Variants in PRKCA observed in about 807,000 individuals in gnomAD.
PRKCA encodes protein kinase C alpha type.
Under a neutral mutation model 87.0 loss-of-function variants are expected in PRKCA, and 27 were observed. The ratio of observed to expected loss-of-function variants is 0.31; its 90% CI spans 0.23 to 0.43. The LOEUF (loss-of-function observed/expected upper bound fraction) is 0.43. PRKCA is among the 20% of genes least tolerant of loss of function. The pLI, the probability that PRKCA is intolerant of heterozygous loss-of-function variation, is 1.00. For missense variants in PRKCA, 518 were observed against 852.3 expected (o/e 0.61, Z 4.88); for synonymous variants, 329 against 311.1 (o/e 1.06, Z -0.61).
At chr17:66,718,107 A>G (rs1973521617) in intron 8 of PRKCA, among the ~76,000 whole-genome samples, 1 of 152,034 alleles carries the variant, frequency 6.6e-6, no homozygotes, top group Admixed American at 6.6e-5. Context: ...GTCTTAGTCC[A>G]CTCGGGCTGC....
intron 8 of PRKCA, among the ~76,000 whole-genome samples, chr17:66,694,338 C>T (rs565217331): frequency 2.0e-5 from 3 of 151,864 alleles, no homozygotes; most frequent in South Asian, 4.2e-4. Context: ...AAAAATTAGC[C>T]GGGCATAGTG....
intron 3 of PRKCA, among the ~76,000 whole-genome samples, chr17:66,585,369 C>G (rs1969561627): frequency 6.6e-6 from 1 of 152,188 alleles, no homozygotes; most frequent in Non-Finnish European, 1.5e-5. Context: ...TTCCAGCTTG[C>G]TTATCTATGT....
At chr17:66,748,411 C>G (rs1024687305) in intron 13 of PRKCA, among the ~76,000 whole-genome samples, 2 of 152,148 alleles carry the variant, frequency 1.3e-5, no homozygotes, top group Non-Finnish European at 2.9e-5. Context: ...GTCAAGAGTC[C>G]TATTAATATT....
Position 66,742,751 on chromosome 17 carries a change from C to T in PRKCA, c.1515C>T (p.Ile505=), listed in dbSNP as rs1974184293. 1.2e-6 allele frequency: 2 copies of T among 1,613,816 alleles called. No individual in the cohort carries two copies. The highest frequency in any genetic ancestry group is 1.1e-5 in the South Asian group (1 of 91,042). ...CCTTCTGTGGGACTCCAGATTATAT[C>T]GCCCCAGAGGTAGGAACCCCAGTGA... ...TRTFCGTPDY[I]APEIIAYQPY... is the part of the protein sequence containing the mutation. Residue 505 remains isoleucine, a synonymous_variant, in exon 13 of 17, where the codon ATC becomes ATT. Transcript: ENST00000413366.
intron 8 of PRKCA, among the ~76,000 whole-genome samples, chr17:66,724,217 A>G (rs1973685389): frequency 1.3e-5 from 2 of 151,396 alleles, no homozygotes; most frequent in Non-Finnish European, 2.9e-5. Flanking sequence ...AATGGTGTGA[A>G]CCCGGGAGGT....
At chr17:66,671,265 G>A (rs1322442227) in intron 5 of PRKCA, among the ~76,000 whole-genome samples, 1 of 144,052 alleles carries the variant, frequency 6.9e-6, no homozygotes, top group African/African-American at 2.6e-5. Context: ...CTAGGAGACA[G>A]AGGGACAACA....
chr17:66,449,120 AC>A (rs1236349606), intron 2 of PRKCA, among the ~76,000 whole-genome samples: 2 of 151,940 alleles, frequency 1.3e-5, no homozygotes, highest in East Asian at 3.9e-4. Flanking sequence ...CCCTGTCTGT[AC>A]AAAAAATGAA....
intron 2 of PRKCA, among the ~76,000 whole-genome samples, chr17:66,394,687 A>G (rs1023517724): frequency 2.0e-5 from 3 of 152,112 alleles, no homozygotes; most frequent in African/African-American, 4.8e-5. Flanking sequence ...CATAATCCCT[A>G]TGTATCAAGG....
At chr17:66,539,758 A>G (rs1967916781) in intron 3 of PRKCA, among the ~76,000 whole-genome samples, 2 of 152,198 alleles carry the variant, frequency 1.3e-5, no homozygotes, top group African/African-American at 4.8e-5. Flanking sequence ...TTACATCAGA[A>G]AACCTCATCG....
rs116898163 is a variant in PRKCA at position 66,304,256 on chromosome 17, G to A, written c.173+1232G>A. On this transcript the variant is annotated intron_variant, in intron 1 of 16. Coordinates refer to ENST00000413366, the MANE Select transcript of PRKCA (RefSeq NM_002737.3). Reference sequence around the variant, plus strand: ...TTTGTGAATCTTTTTCCTGGTGAGAGAATTACAGCTTTCATCTGATCCTCA... The same window carrying A: ...TTTGTGAATCTTTTTCCTGGTGAGAAAATTACAGCTTTCATCTGATCCTCA... Among the ~76,000 whole-genome samples, 430 of 152,282 alleles carry A rather than the reference G, an allele frequency of 2.8e-3. 2 individuals carry two copies. Among genetic ancestry groups the A allele is most frequent in the Middle Eastern group, 6.8e-3 (2 of 294 alleles).
At chr17:66,763,971 G>A (rs1974741409) in intron 13 of PRKCA, among the ~76,000 whole-genome samples, 1 of 152,112 alleles carries the variant, frequency 6.6e-6, no homozygotes, top group Non-Finnish European at 1.5e-5. Flanking sequence ...TGTAAACTGG[G>A]CGAGTACCCA....
intron 2 of PRKCA, among the ~76,000 whole-genome samples, chr17:66,369,540 C>A (rs1908969290): frequency 6.6e-6 from 1 of 152,186 alleles, no homozygotes; most frequent in South Asian, 2.1e-4. Flanking sequence ...GATTAATAAG[C>A]TTGAAATTTT....
chr17:66,788,796 C>T (rs1256102269), intron 15 of PRKCA, 43 bp from the exon 16 acceptor site: 2 of 1,598,508 alleles, frequency 1.3e-6, no homozygotes, highest in African/African-American at 2.7e-5. Context: ...CTGTGGGAAG[C>T]CCTTGACATC....
intron 3 of PRKCA, among the ~76,000 whole-genome samples, chr17:66,507,663 G>T (rs1034066674): frequency 3.3e-5 from 5 of 152,184 alleles, no homozygotes; most frequent in African/African-American, 9.7e-5. Flanking sequence ...TCTGAAGAGG[G>T]TACAGAGTGG....
chr17:66,675,545 A>T (rs934985491), intron 5 of PRKCA, among the ~76,000 whole-genome samples: 4 of 152,174 alleles, frequency 2.6e-5, no homozygotes, highest in Non-Finnish European at 5.9e-5. Flanking sequence ...AGGCTCTTGA[A>T]GCATATAGCA....
At chr17:66,513,781 A>G (rs1052244635) in intron 3 of PRKCA, among the ~76,000 whole-genome samples, 1 of 152,352 alleles carries the variant, frequency 6.6e-6, no homozygotes, top group Middle Eastern at 3.4e-3. Context: ...GCTAGGTGCA[A>G]AAGCTTAATA....
At chr17:66,789,278 G>A (rs1180324227) in intron 16 of PRKCA, among the ~76,000 whole-genome samples, 7 of 152,226 alleles carry the variant, frequency 4.6e-5, no homozygotes. Context: ...CTGTGCTTTA[G>A]GTCTGGACTT....
intron 3 of PRKCA, among the ~76,000 whole-genome samples, chr17:66,574,370 C>T (rs1345665381): frequency 6.6e-6 from 1 of 152,144 alleles, no homozygotes; most frequent in South Asian, 2.1e-4. Flanking sequence ...ACCTCTAACC[C>T]TCAGTCAGTC....
intron 2 of PRKCA, among the ~76,000 whole-genome samples, chr17:66,354,726 G>A (rs1907950493): frequency 6.6e-6 from 1 of 152,112 alleles, no homozygotes; most frequent in South Asian, 2.1e-4. Context: ...CTCCAGCCGA[G>A]AAGCAGCAGG....
Sources: gnomAD v4.1 joint callset for allele counts (sites outside exome capture counted in the v4.1 genomes callset) on GRCh38, gnomAD v4.1.1 for gene constraint, MANE v1.5 for transcripts, NCBI Gene and HGNC (gene_info 2026-07-23, HGNC 2026-07-21) for gene names.